The following TDRD5 variants were observed in gnomAD, a reference collection of about 807,000 sequenced individuals.
The protein encoded by TDRD5 is tudor domain-containing protein 5.
In TDRD5, 41 loss-of-function variants were observed where a neutral mutation model predicts 120.6. That is an observed-to-expected ratio of 0.34 (90% CI 0.26 to 0.44). The LOEUF is 0.44. Ranked by LOEUF, TDRD5 falls within the 20% of genes least tolerant of loss-of-function variation. The pLI is 1.00. For missense variants in TDRD5, 1,006 were observed against 1,221.2 expected (o/e 0.82, Z 2.63); for synonymous variants, 430 against 433.7 (o/e 0.99, Z 0.11).
chr1:179,635,522 T>A, intron 8 of TDRD5, 145 bp from the exon 9 acceptor site: 1 of 763,348 alleles, frequency 1.3e-6, no homozygotes, highest in South Asian at 2.0e-5. Context: ...AATCAGTAAG[T>A]CTGGGCTAGA....
At chr1:179,679,978 C>A (rs1182947795) in intron 17 of TDRD5, among the ~76,000 whole-genome samples, 2 of 152,104 alleles carry the variant, frequency 1.3e-5, no homozygotes, top group Non-Finnish European at 2.9e-5. Context: ...CTAAACCCTG[C>A]TTTTGCTGCA....
chr1:179,681,416 T>C (rs1305698486), intron 17 of TDRD5, among the ~76,000 whole-genome samples: 17 of 152,204 alleles, frequency 1.1e-4, no homozygotes, highest in Non-Finnish European at 2.9e-5. Context: ...ATCCAATTCT[T>C]GGATTGGATA....
At chr1:179,592,390 T>C in intron 1 of TDRD5, 1 of 507,420 alleles carries the variant, frequency 2.0e-6, no homozygotes, top group East Asian at 3.5e-5. Flanking sequence ...AGGGGCAGAG[T>C]TCTTGACACC....
chr1:179,682,424 G>A (rs900377098), intron 17 of TDRD5, among the ~76,000 whole-genome samples: 1 of 151,970 alleles, frequency 6.6e-6, no homozygotes, highest in African/African-American at 2.4e-5. Flanking sequence ...GCCCCAATGT[G>A]TGATGTTCCC....
At chr1:179,633,468 C>T (rs991585879) in intron 7 of TDRD5, among the ~76,000 whole-genome samples, 6 of 151,994 alleles carry the variant, frequency 3.9e-5, no homozygotes, top group African/African-American at 1.2e-4. Context: ...TCTCCTGCCT[C>T]GGCCTCCCAA....
chr1:179,689,286 C>A (rs1680964989), intron 17 of TDRD5, among the ~76,000 whole-genome samples: 1 of 152,216 alleles, frequency 6.6e-6, no homozygotes, highest in Non-Finnish European at 1.5e-5. Context: ...GGACCCTCAG[C>A]TGCAGGTCTG....
Position 179,681,520 on chromosome 1 carries a change from A to G in TDRD5, c.2861-9176A>G, listed in dbSNP as rs553092773. ...AAATGTCTTTTATGTTTAGTCACAT[A>G]TTTTCCATTACAGTGTTCTTCATTC... On this transcript the variant is annotated intron_variant, in intron 17 of 17. Coordinates refer to ENST00000444136, the MANE Select transcript of TDRD5 (RefSeq NM_001199085.3). Among the ~76,000 whole-genome samples, 7 of 152,258 alleles carry G rather than the reference A, an allele frequency of 4.6e-5. No homozygotes were observed. The South Asian group carries it at 1.2e-3, about 27-fold the overall frequency.
chr1:179,640,079 A>G, intron 10 of TDRD5, 28 bp downstream of exon 10: 1 of 1,607,526 alleles, frequency 6.2e-7, no homozygotes, highest in Non-Finnish European at 8.5e-7. Context: ...AGAACAATGG[A>G]TGAATTAAAT....
chr1:179,612,628 A>T (rs1200222162), intron 4 of TDRD5, among the ~76,000 whole-genome samples: 1 of 152,138 alleles, frequency 6.6e-6, no homozygotes, highest in Non-Finnish European at 1.5e-5. Flanking sequence ...CTCTAGTCTT[A>T]ATACCATTTA....
chr1:179,669,611 T>G (rs527979756), intron 17 of TDRD5, among the ~76,000 whole-genome samples: 3 of 152,350 alleles, frequency 2.0e-5, no homozygotes, highest in Admixed American at 6.5e-5. Flanking sequence ...TTTGTTTTTT[T>G]GCCGGAGGGG....
In TDRD5 at chr1:179,663,466, A is replaced by G. The variant is rs890833957; in HGVS notation, c.2624A>G (p.Asn875Ser). ...KPEVLGAQEK[N>S]TGTNRTQKQL... is the part of the protein sequence containing the mutation. ...GAAGTACTGGGTGCTCAGGAAAAAA[A>G]TACTGGCACAAACAGGACTCAAAAG... Residue 875 changes from asparagine (N) to serine (S), a missense_variant, in exon 16 of 18, where the codon AAT becomes AGT. Physicochemically the swap from Asn to Ser is conservative, Grantham distance 46. Transcript: ENST00000444136. 1.2e-6 allele frequency: 2 copies of G among 1,613,148 alleles called. No individual in the cohort carries two copies. Among genetic ancestry groups the G allele is most frequent in the African/African-American group, 2.7e-5 (2 of 74,886 alleles).
chr1:179,646,112 A>G (rs1402831076), intron 11 of TDRD5, among the ~76,000 whole-genome samples: 1 of 152,136 alleles, frequency 6.6e-6, no homozygotes, highest in Non-Finnish European at 1.5e-5. Flanking sequence ...TGTGTATACT[A>G]TATGGTCTAC....
chr1:179,605,203 T>C (rs183430238), intron 4 of TDRD5, among the ~76,000 whole-genome samples: 3 of 152,356 alleles, frequency 2.0e-5, no homozygotes, highest in Admixed American at 2.0e-4. Context: ...CCTTGCTTGC[T>C]TTTGGTGTCC....
At chr1:179,612,935 CA>C (rs35980053) in intron 4 of TDRD5, among the ~76,000 whole-genome samples, 8,853 of 88,430 alleles carry the variant, frequency 0.1, 457 homozygotes, top group African/African-American at 0.23. Flanking sequence ...GACTTTGTCT[CA>C]AAAAAAAAAA....
intron 11 of TDRD5, among the ~76,000 whole-genome samples, chr1:179,647,137 C>T (rs377717383): frequency 0.04 from 5,941 of 148,196 alleles, 188 homozygotes; most frequent in East Asian, 0.1. Context: ...GAGCCCGCAT[C>T]GCCAAGTCAA....
chr1:179,678,506 C>T lies in TDRD5; in HGVS notation c.2860+9102C>T, dbSNP rs140039544. On this transcript the variant is annotated intron_variant, in intron 17 of 17. Coordinates refer to ENST00000444136, the MANE Select transcript of TDRD5 (RefSeq NM_001199085.3). ...GTGAGTCTCCACATGCCACTTTGTC[C>T]GTCCAGGCAGGAGCTATAGAGTAGT... Among the ~76,000 whole-genome samples the T allele has an allele frequency of 4.4e-3, 675 of 152,316 alleles. 4 individuals carry two copies. Among genetic ancestry groups the T allele is most frequent in the Middle Eastern group, 0.027 (8 of 294 alleles).
chr1:179,671,313 T>C (rs1679842541), intron 17 of TDRD5, among the ~76,000 whole-genome samples: 2 of 152,212 alleles, frequency 1.3e-5, no homozygotes, highest in South Asian at 4.1e-4. Flanking sequence ...TTTGCTATTA[T>C]AGGTCCTTTG....
At chr1:179,673,571 G>A (rs138048944) in intron 17 of TDRD5, among the ~76,000 whole-genome samples, 27 of 152,290 alleles carry the variant, frequency 1.8e-4, no homozygotes, top group South Asian at 6.2e-4. Context: ...GCATTGGTTC[G>A]GTCTGGAAGA....
intron 6 of TDRD5, among the ~76,000 whole-genome samples, chr1:179,628,871 G>GGC (rs1677282555): frequency 6.6e-6 from 1 of 152,082 alleles, no homozygotes; most frequent in Non-Finnish European, 1.5e-5. Context: ...ACAAGGAACT[G>GGC]GCAATAATGG....
Sources: gnomAD v4.1 joint callset for allele counts (sites outside exome capture counted in the v4.1 genomes callset) on GRCh38, gnomAD v4.1.1 for gene constraint, MANE v1.5 for transcripts, NCBI Gene and HGNC (gene_info 2026-07-23, HGNC 2026-07-21) for gene names.